The following RALYL variants were observed in gnomAD, a reference collection of about 807,000 sequenced individuals.
RALYL encodes the protein RNA-binding Raly-like protein.
RALYL carries 29 observed loss-of-function variants against 35.1 expected under a neutral mutation model. That is an observed-to-expected ratio of 0.83 (90% CI 0.61 to 1.13). The LOEUF is 1.13. RALYL is among the 50% of genes most tolerant of loss of function. The pLI, the probability that RALYL is intolerant of heterozygous loss-of-function variation, is 0.00. For synonymous variants in RALYL, 120 were observed against 127.6 expected (o/e 0.94, Z 0.40); for missense variants, 359 against 360.4 (o/e 1.00, Z 0.03).
At chr8:84,399,394 A>G (rs975946580) in intron 1 of RALYL, among the ~76,000 whole-genome samples, 3 of 152,302 alleles carry the variant, frequency 2.0e-5, no homozygotes, top group Admixed American at 1.3e-4. Flanking sequence ...AAGACTACCA[A>G]TAAGTGCAAA....
chr8:84,886,176 G>A (rs537058334), intron 7 of RALYL, among the ~76,000 whole-genome samples: 1 of 152,130 alleles, frequency 6.6e-6, no homozygotes, highest in South Asian at 2.1e-4. Flanking sequence ...TTATCATTTG[G>A]AGAATTAAAA....
chr8:84,260,824 T>G (rs1012263901), intron 1 of RALYL, among the ~76,000 whole-genome samples: 5 of 152,188 alleles, frequency 3.3e-5, no homozygotes, highest in African/African-American at 1.2e-4. Flanking sequence ...GTGTTTCTCC[T>G]CTATATGTTG....
In RALYL at chr8:84,654,012, T is replaced by TTGG. The variant is rs556854843; in HGVS notation, c.257-120553_257-120551dup. Among the ~76,000 whole-genome samples the TTGG allele has an allele frequency of 3.9e-3, 591 of 151,072 alleles. 3 individuals carry two copies. The highest frequency in any genetic ancestry group is 5.1e-3 in the Non-Finnish European group (343 of 67,732). Reference sequence around the variant, plus strand: ...GAGAACAAGGTTTGTATTTTGTTTTTTGGTGGTGGTGGTGGTTTGTTTTGT... The same window carrying TTGG: ...GAGAACAAGGTTTGTATTTTGTTTTTTGGTGGTGGTGGTGGTGGTTTGTTTTGT... On this transcript the variant is annotated intron_variant, in intron 2 of 8. Transcript: ENST00000521268.
At chr8:84,388,451 C>T (rs1478674911) in intron 1 of RALYL, among the ~76,000 whole-genome samples, 1 of 152,088 alleles carries the variant, frequency 6.6e-6, no homozygotes, top group South Asian at 2.1e-4. Context: ...AGTTTATAGT[C>T]CCACCAACAG....
chr8:84,791,825 G>T (rs942776399), intron 3 of RALYL, among the ~76,000 whole-genome samples: 5 of 152,194 alleles, frequency 3.3e-5, no homozygotes, highest in African/African-American at 1.2e-4. Flanking sequence ...AGCGATGTGG[G>T]CTGAGTTCAG....
rs115650788 is a variant in RALYL at position 84,666,622 on chromosome 8, C to T, written c.257-107957C>T. Reference sequence around the variant, plus strand: ...CAAAATGTCTGGTTATGGGACCAACCGTATGTATTTTAAAAATTTTCCCAG... The same window carrying T: ...CAAAATGTCTGGTTATGGGACCAACTGTATGTATTTTAAAAATTTTCCCAG... On this transcript the variant is annotated intron_variant, in intron 2 of 8. Transcript: ENST00000521268. Among the ~76,000 whole-genome samples the T allele has an allele frequency of 9.4e-3, 1,436 of 152,080 alleles. 19 individuals carry two copies. Among genetic ancestry groups the T allele is most frequent in the African/African-American group, 0.031 (1,298 of 41,522 alleles).
intron 2 of RALYL, among the ~76,000 whole-genome samples, chr8:84,661,126 C>T (rs1309102337): frequency 6.6e-6 from 1 of 151,964 alleles, no homozygotes; most frequent in East Asian, 1.9e-4. Context: ...GACGGGGTTT[C>T]ACCGTGTTAG....
intron 1 of RALYL, among the ~76,000 whole-genome samples, chr8:84,473,338 GATTT>G (rs1348997326): frequency 6.6e-6 from 1 of 151,050 alleles, no homozygotes; most frequent in African/African-American, 2.4e-5. Context: ...ATTTAATATT[GATTT>G]ATTAGATTTA....
intron 1 of RALYL, among the ~76,000 whole-genome samples, chr8:84,520,227 C>T (rs565578694): frequency 1.3e-5 from 2 of 152,128 alleles, no homozygotes; most frequent in East Asian, 1.9e-4. Context: ...AGCATAATTG[C>T]GGTCAGTGTA....
At chr8:84,380,866 T>C (rs1857851660) in intron 1 of RALYL, among the ~76,000 whole-genome samples, 3 of 151,828 alleles carry the variant, frequency 2.0e-5, no homozygotes, top group Admixed American at 1.3e-4. Context: ...CATTGAGAAG[T>C]AGGTTACCTG....
At chr8:84,658,369 T>G (rs1334998359) in intron 2 of RALYL, among the ~76,000 whole-genome samples, 1 of 152,172 alleles carries the variant, frequency 6.6e-6, no homozygotes, top group East Asian at 1.9e-4. Context: ...GCTGCAACCT[T>G]TATGAAAAGT....
At chr8:84,307,901 C>T (rs192100848) in intron 1 of RALYL, among the ~76,000 whole-genome samples, 19 of 152,084 alleles carry the variant, frequency 1.2e-4, no homozygotes, top group Admixed American at 1.2e-3. Flanking sequence ...GGAATGTTCA[C>T]CAAAGCTGTA....
chr8:84,200,484 C>G lies in RALYL; in HGVS notation c.-24+16060C>G, dbSNP rs185040220. ...TTCATTAAAAGGAAGTGTCCTAAGA[C>G]TAAATACATTTTAAAATCATTTCCT... is the stretch of plus-strand genomic sequence containing the variant. On this transcript the variant is annotated intron_variant, in intron 1 of 8. Transcript: ENST00000521268. Among the ~76,000 whole-genome samples, 954 of 152,184 alleles carry G rather than the reference C, an allele frequency of 6.3e-3. 6 individuals are homozygous for G. The highest frequency in any genetic ancestry group is 8.1e-3 in the Non-Finnish European group (554 of 67,978).
chr8:84,526,568 T>C (rs952822132), intron 1 of RALYL, among the ~76,000 whole-genome samples: 1 of 152,198 alleles, frequency 6.6e-6, no homozygotes, highest in African/African-American at 2.4e-5. Flanking sequence ...CGTGAAATTA[T>C]AGCGTTTGCA....
chr8:84,878,735 A>C (rs1841655314), intron 7 of RALYL, among the ~76,000 whole-genome samples: 1 of 114,924 alleles, frequency 8.7e-6, no homozygotes, highest in Admixed American at 8.1e-5. Flanking sequence ...GCACAAATAA[A>C]TAACTCAATA....
intron 1 of RALYL, among the ~76,000 whole-genome samples, chr8:84,210,850 C>T (rs1202604885): frequency 6.6e-6 from 1 of 150,446 alleles, no homozygotes; most frequent in Non-Finnish European, 1.5e-5. Context: ...GCATCAGTGT[C>T]ATGTCATAGC....
intron 2 of RALYL, among the ~76,000 whole-genome samples, chr8:84,763,968 G>A (rs924434681): frequency 1.3e-5 from 2 of 151,512 alleles, no homozygotes; most frequent in African/African-American, 4.9e-5. Flanking sequence ...CAAATCAAAG[G>A]TGTTTTGACA....
chr8:84,447,593 C>T (rs2048987162), intron 1 of RALYL, among the ~76,000 whole-genome samples: 2 of 152,048 alleles, frequency 1.3e-5, no homozygotes, highest in African/African-American at 4.8e-5. Context: ...GGTTAACACA[C>T]TTCCATCCAT....
chr8:84,311,750 A>G (rs1842861298), intron 1 of RALYL, among the ~76,000 whole-genome samples: 1 of 152,224 alleles, frequency 6.6e-6, no homozygotes, highest in Admixed American at 6.5e-5. Context: ...GAAGCTAGCC[A>G]TGCTGGATAT....
Sources: allele counts gnomAD v4.1 joint callset (sites outside exome capture counted in the v4.1 genomes callset), GRCh38; gene constraint gnomAD v4.1.1; transcripts MANE v1.5; gene names NCBI Gene and HGNC (gene_info 2026-07-23, HGNC 2026-07-21).